The following CHD7 variants were observed in gnomAD, a reference collection of about 807,000 sequenced individuals.
CHD7 encodes ATP-dependent chromatin remodeler CHD7.
In CHD7, 24 loss-of-function variants were observed where a neutral mutation model predicts 307.3. The observed-to-expected ratio is 0.08, with a 90% CI of 0.06 to 0.11. CHD7 has a LOEUF of 0.11. Among genes scored for constraint, CHD7 ranks in the 10% least tolerant of loss-of-function variants. The pLI is 1.00. For synonymous variants in CHD7, 1,363 were observed against 1,349.9 expected (o/e 1.01, Z -0.21); for missense variants, 3,106 against 3,727.1 (o/e 0.83, Z 4.34).
intron 2 of CHD7, among the ~76,000 whole-genome samples, chr8:60,753,595 A>G (rs1162357594): frequency 2.6e-5 from 4 of 151,916 alleles, no homozygotes; most frequent in African/African-American, 9.7e-5. Flanking sequence ...GCCCAATAAT[A>G]AGATCAGTTT....
intron 1 of CHD7, among the ~76,000 whole-genome samples, chr8:60,719,366 A>G (rs1208223213): frequency 6.6e-6 from 1 of 152,214 alleles, no homozygotes; most frequent in African/African-American, 2.4e-5. Flanking sequence ...AAGTTCCACA[A>G]TTGTTAGATT....
intron 1 of CHD7, among the ~76,000 whole-genome samples, chr8:60,728,288 A>T (rs535760290): frequency 6.6e-6 from 1 of 152,232 alleles, no homozygotes; most frequent in African/African-American, 2.4e-5. Context: ...TTTGAATGGT[A>T]TAGTATTAGC....
Position 60,699,588 on chromosome 8 carries a change from A to G in CHD7, c.-175+20506A>G, listed in dbSNP as rs554204592. On this transcript the variant is annotated intron_variant, in intron 1 of 37. Transcript: ENST00000423902. Reference sequence around the variant, plus strand: ...AGCCAGCTCTGTCTGTCCCATTGCTATGGAATATACTGTAGCTCCTCTATT... The same window carrying G: ...AGCCAGCTCTGTCTGTCCCATTGCTGTGGAATATACTGTAGCTCCTCTATT... 2.0e-4 allele frequency among the ~76,000 whole-genome samples: 31 copies of G among 151,640 alleles called. No individual in the cohort carries two copies. The South Asian group carries it at 6.0e-3, about 30-fold the overall frequency.
intron 4 of CHD7, among the ~76,000 whole-genome samples, chr8:60,799,027 A>G (rs1258933388): frequency 6.6e-6 from 1 of 152,216 alleles, no homozygotes; most frequent in African/African-American, 2.4e-5. Flanking sequence ...TTCCTTATTT[A>G]AAGCCATGTA....
intron 23 of CHD7, among the ~76,000 whole-genome samples, chr8:60,848,057 A>C (rs1023657847): frequency 9.2e-5 from 14 of 152,250 alleles, no homozygotes; most frequent in Non-Finnish European, 1.8e-4. Context: ...CAGATTTTAT[A>C]TCTCATTTAT....
intron 7 of CHD7, among the ~76,000 whole-genome samples, chr8:60,812,742 ATTTAT>A (rs1359963160): frequency 6.7e-6 from 1 of 148,414 alleles, no homozygotes; most frequent in African/African-American, 2.5e-5. Flanking sequence ...GTTTTTATTT[ATTTAT>A]TTTATTTATT....
intron 2 of CHD7, among the ~76,000 whole-genome samples, chr8:60,757,236 A>G (rs536319699): frequency 6.6e-6 from 1 of 152,330 alleles, no homozygotes; most frequent in East Asian, 1.9e-4. Context: ...CCTTGTGGTT[A>G]GGAAGCACTT....
At chr8:60,726,663 T>G (rs576519649) in intron 1 of CHD7, among the ~76,000 whole-genome samples, 1 of 152,308 alleles carries the variant, frequency 6.6e-6, no homozygotes, top group Admixed American at 6.5e-5. Flanking sequence ...AAAAGAAATT[T>G]CTTTGTAGTG....
At chr8:60,859,987 T>C (rs1365496846) in intron 34 of CHD7, among the ~76,000 whole-genome samples, 1 of 152,072 alleles carries the variant, frequency 6.6e-6, no homozygotes, top group Admixed American at 6.6e-5. Flanking sequence ...AGGGAGACCA[T>C]TTAGGAATAT....
chr8:60,835,891 C>T (rs1158035950), intron 15 of CHD7, among the ~76,000 whole-genome samples, 182 bp from the exon 16 acceptor site: 2 of 152,166 alleles, frequency 1.3e-5, no homozygotes, highest in South Asian at 2.1e-4. Context: ...AACTTTTACC[C>T]CTTTTGTACA....
chr8:60,748,429 T>C (rs889594741), intron 2 of CHD7, among the ~76,000 whole-genome samples: 1 of 152,174 alleles, frequency 6.6e-6, no homozygotes, highest in African/African-American at 2.4e-5. Flanking sequence ...CCCATGGCAC[T>C]GGAGGGCACT....
chr8:60,697,128 T>C (rs907423714), intron 1 of CHD7, among the ~76,000 whole-genome samples: 1 of 152,200 alleles, frequency 6.6e-6, no homozygotes, highest in African/African-American at 2.4e-5. Flanking sequence ...GATTTTGATA[T>C]TTGGGAGGTG....
At chr8:60,823,087 A>G (rs76632145) in intron 12 of CHD7, among the ~76,000 whole-genome samples, 1,778 of 152,358 alleles carry the variant, frequency 0.012, 84 homozygotes, top group East Asian at 0.082. Flanking sequence ...AAATGTGAAT[A>G]GAAAGAATAT....
At chr8:60,686,780 T>C (rs1805921318) in intron 1 of CHD7, among the ~76,000 whole-genome samples, 1 of 152,210 alleles carries the variant, frequency 6.6e-6, no homozygotes, top group Non-Finnish European at 1.5e-5. Flanking sequence ...CAGATTTCTA[T>C]ACCATATTTG....
In CHD7 at chr8:60,851,969, A is replaced by T. The variant is rs756002452; in HGVS notation, c.5666-50A>T. 3.8e-6 allele frequency: 5 copies of T among 1,299,836 alleles called. No individual in the cohort carries two copies. In the African/African-American group the frequency reaches 7.3e-5, roughly 19 times the overall value. 80.5% of individuals were successfully genotyped at this position (1,299,836 alleles called of 1,614,324 possible). A position where few individuals can be genotyped will look rare whatever the true frequency, so the allele number is the denominator to read the frequency against. ...ATCCTGTTTTGTTGGAATACTCTGT[A>T]TTGCAAGATTGCAGCTACACATTTC... On this transcript the variant is annotated intron_variant, in intron 28 of 37. Transcript: ENST00000423902.
chr8:60,682,243 T>C (rs1295315404), intron 1 of CHD7, among the ~76,000 whole-genome samples: 1 of 152,236 alleles, frequency 6.6e-6, no homozygotes, highest in Admixed American at 6.5e-5. Flanking sequence ...TCCTAAACTT[T>C]TTTCATAATG....
At chr8:60,825,650 T>G (rs1026279656) in intron 13 of CHD7, among the ~76,000 whole-genome samples, 1 of 152,214 alleles carries the variant, frequency 6.6e-6, no homozygotes, top group African/African-American at 2.4e-5. Context: ...CCTTCATAGT[T>G]TTCTACTAAG....
At chr8:60,683,815 A>T (rs2150475112) in intron 1 of CHD7, among the ~76,000 whole-genome samples, 1 of 152,274 alleles carries the variant, frequency 6.6e-6, no homozygotes, top group Non-Finnish European at 1.5e-5. Context: ...TTCTGACTCA[A>T]AGGTACCTTT....
At chr8:60,758,051 C>G (rs1429426752) in intron 2 of CHD7, among the ~76,000 whole-genome samples, 1 of 152,068 alleles carries the variant, frequency 6.6e-6, no homozygotes, top group African/African-American at 2.4e-5. Flanking sequence ...GAAATGAAAA[C>G]TAGGAAATTT....
Sources: allele counts gnomAD v4.1 joint callset (sites outside exome capture counted in the v4.1 genomes callset), GRCh38; gene constraint gnomAD v4.1.1; transcripts MANE v1.5; gene names NCBI Gene and HGNC (gene_info 2026-07-23, HGNC 2026-07-21).